Variants in AR observed in about 807,000 individuals in gnomAD.
AR encodes the protein dihydrotestosterone receptor.
A neutral mutation model predicts 53.9 loss-of-function variants in AR; 8 were observed. The observed-to-expected ratio is 0.15, with a 90% CI of 0.09 to 0.27. AR has a LOEUF of 0.27. Ranked by LOEUF, AR falls within the 10% of genes least tolerant of loss-of-function variation. AR has a pLI of 1.00. For missense variants in AR, 639 were observed against 742.5 expected, an observed-to-expected ratio of 0.86 and a Z score of 1.62; for synonymous variants, 359 against 316.4, an observed-to-expected ratio of 1.13 and a Z score of -1.43.
intron 2 of AR, among the ~76,000 whole-genome samples, chrX:67,655,953 C>A (rs772804788): frequency 8.9e-6 from 1 of 112,060 alleles, no homozygotes; most frequent in Non-Finnish European, 1.9e-5. Flanking sequence ...TTGTCTGTTG[C>A]TATTTATACG....
At chrX:67,611,051 G>C (rs1923857960) in intron 1 of AR, among the ~76,000 whole-genome samples, 1 of 111,624 alleles carries the variant, frequency 9.0e-6, no homozygotes, top group Admixed American at 9.6e-5. Flanking sequence ...GTTATTTTTA[G>C]ATTAAGTAGT....
In AR at chrX:67,723,840, G is replaced by A. The variant is rs2147540904; in HGVS notation, c.2762G>A (p.Ter921=). 6.6e-6 allele frequency: 8 copies of A among 1,209,510 alleles called. No individual in the cohort carries two copies. The African/African-American group carries it at 8.7e-5, about 13-fold the overall frequency. ...AAGCCCATCTATTTCCACACCCAGT[G>A]AAGCATTGGAAACCCTATTTCCCCA... ...KVKPIYFHTQ[*] The change falls in exon 8 of 8, where the codon TGA becomes TAA. Residue 921 remains the stop codon, a stop_retained_variant. Coordinates refer to ENST00000374690, the MANE Select transcript of AR (RefSeq NM_000044.6).
chrX:67,709,368 G>A (rs1248531210), intron 3 of AR, among the ~76,000 whole-genome samples: 1 of 112,071 alleles, frequency 8.9e-6, no homozygotes, highest in Non-Finnish European at 1.9e-5. Context: ...CCTCACTGCT[G>A]CCTTGCAGTT....
rs145754310 is a variant in AR at position 67,711,499 on chromosome X, A to G, written c.1983A>G (p.Thr661=). 1.9e-5 allele frequency: 23 copies of G among 1,209,590 alleles called. No individual in the cohort carries two copies. The highest frequency in any genetic ancestry group is 2.3e-5 in the Non-Finnish European group (21 of 895,115). ...SPTEETTQKL[T]VSHIEGYECQ... is the part of the protein sequence containing the mutation. ...CTGAGGAGACAACCCAGAAGCTGAC[A>G]GTGTCACACATTGAAGGCTATGAAT... The change falls in exon 4 of 8, where the codon ACA becomes ACG. Residue 661 remains threonine, a synonymous_variant. Coordinates refer to ENST00000374690, the MANE Select transcript of AR (RefSeq NM_000044.6).
At chrX:67,665,689 A>G (rs898443091) in intron 2 of AR, among the ~76,000 whole-genome samples, 4 of 111,423 alleles carry the variant, frequency 3.6e-5, no homozygotes, top group African/African-American at 9.8e-5. Context: ...CCCTTTTATG[A>G]TGGTGTGAGC....
chrX:67,673,243 C>A (rs938191589), intron 2 of AR, among the ~76,000 whole-genome samples: 1 of 109,744 alleles, frequency 9.1e-6, no homozygotes, highest in Non-Finnish European at 1.9e-5. Flanking sequence ...TTGAGGTGGT[C>A]TTTTTTGGAT....
Position 67,546,723 on chromosome X carries a change from C to A in AR, c.1577C>A (p.Pro526His), listed in dbSNP as rs2147323233. Residue 526 changes from proline (P) to histidine (H), a missense_variant, in exon 1 of 8, where the codon CCC (proline) becomes CAC (histidine). This residue lies in a region of AR where 423 missense variants were observed against 377.0 expected (regional missense o/e 1.12). Coordinates refer to ENST00000374690, the MANE Select transcript of AR (RefSeq NM_000044.6). Reference sequence around the variant, plus strand: ...ACTTGTGTCAAAAGCGAAATGGGCCCCTGGATGGATAGCTACTCCGGACCT... The same window carrying A: ...ACTTGTGTCAAAAGCGAAATGGGCCACTGGATGGATAGCTACTCCGGACCT... ...SPTCVKSEMGPWMDSYSGPYG... is the reference protein window; with the variant it reads ...SPTCVKSEMGHWMDSYSGPYG... 1 of 1,208,953 alleles carries A rather than the reference C, an allele frequency of 8.3e-7. No individual in the cohort carries two copies. The highest frequency in any genetic ancestry group is 1.1e-6 in the Non-Finnish European group (1 of 894,245).
intron 4 of AR, 36 bp downstream of exon 4, chrX:67,711,725 G>C (rs367811132): frequency 1.0e-5 from 12 of 1,166,624 alleles, no homozygotes; most frequent in Non-Finnish European, 1.4e-5. Context: ...GAGATAAGGG[G>C]GATCATATTT....
chrX:67,579,710 T>A (rs1922204942), intron 1 of AR, among the ~76,000 whole-genome samples: 3 of 111,957 alleles, frequency 2.7e-5, no homozygotes, highest in Non-Finnish European at 5.6e-5. Flanking sequence ...TCTATGCAGC[T>A]ATTAAAGCAT....
At chrX:67,606,629 A>C (rs746612582) in intron 1 of AR, among the ~76,000 whole-genome samples, 3 of 112,639 alleles carry the variant, frequency 2.7e-5, no homozygotes, top group Non-Finnish European at 5.6e-5. Context: ...ATAATTTGCT[A>C]TTCACCAAGT....
At chrX:67,627,538 G>T (rs778402004) in intron 1 of AR, among the ~76,000 whole-genome samples, 1 of 109,871 alleles carries the variant, frequency 9.1e-6, no homozygotes, top group East Asian at 3.1e-4. Context: ...TTAGCCCTTT[G>T]TCAGATGAGT....
chrX:67,553,823 T>C (rs1220791662), intron 1 of AR, among the ~76,000 whole-genome samples: 1 of 112,536 alleles, frequency 8.9e-6, no homozygotes, highest in Non-Finnish European at 1.9e-5. Flanking sequence ...AACTGTCTTA[T>C]TGATTTTATT....
chrX:67,572,177 A>T (rs1166023607), intron 1 of AR, among the ~76,000 whole-genome samples: 1 of 111,732 alleles, frequency 8.9e-6, no homozygotes, highest in Non-Finnish European at 1.9e-5. Context: ...ATATTCTGAG[A>T]TTGTCTTCTG....
In AR at chrX:67,666,103, T is replaced by C. The variant is rs1056481776; in HGVS notation, c.1769-19907T>C. Reference sequence around the variant, plus strand: ...ATTCTTTTAGTTATTTTAAGATGTATAATAAATTATTGTTGACTGCAGTCA... The same window carrying C: ...ATTCTTTTAGTTATTTTAAGATGTACAATAAATTATTGTTGACTGCAGTCA... On this transcript the variant is annotated intron_variant, in intron 2 of 7. Coordinates refer to ENST00000374690, the MANE Select transcript of AR (RefSeq NM_000044.6). Among the ~76,000 whole-genome samples the C allele has an allele frequency of 2.7e-5, 3 of 111,134 alleles. No homozygotes were observed. The South Asian group carries it at 1.1e-3, about 42-fold the overall frequency.
chrX:67,664,701 C>T (rs1022539187), intron 2 of AR, among the ~76,000 whole-genome samples: 35 of 112,367 alleles, frequency 3.1e-4, no homozygotes, highest in Admixed American at 3.1e-3. Context: ...TCGGCTATGC[C>T]CTGCCCCCAG....
rs192906687 is a variant in AR, at chrX:67,617,476, T to C, written c.1617-25780T>C. On this transcript the variant is annotated intron_variant, in intron 1 of 7. Coordinates refer to ENST00000374690, the MANE Select transcript of AR (RefSeq NM_000044.6). ...AGGCATTTTTAAGTTTATGAAGTGT[T>C]GTGCATATTGTTGTTAATTTTAAGC... Among the ~76,000 whole-genome samples, 6 of 111,546 alleles carry C rather than the reference T, an allele frequency of 5.4e-5. No individual in the cohort carries two copies. The East Asian group carries it at 1.7e-3, about 32-fold the overall frequency.
chrX:67,707,760 T>G (rs1987000704), intron 3 of AR, among the ~76,000 whole-genome samples: 1 of 112,271 alleles, frequency 8.9e-6, no homozygotes, highest in South Asian at 3.7e-4. Flanking sequence ...CAATTTGGCA[T>G]GTTTTTGCAG....
At chrX:67,554,951 A>G (rs1930134878) in intron 1 of AR, among the ~76,000 whole-genome samples, 1 of 108,484 alleles carries the variant, frequency 9.2e-6, no homozygotes, top group South Asian at 4.1e-4. Context: ...TCAATCAACC[A>G]CTTTTCATTA....
At chrX:67,709,413 C>G (rs2076083929) in intron 3 of AR, among the ~76,000 whole-genome samples, 1 of 112,466 alleles carries the variant, frequency 8.9e-6, no homozygotes, top group Admixed American at 9.3e-5. Context: ...GTGAGCGATG[C>G]TCCATGGGCG....
Sources: allele counts gnomAD v4.1 joint callset (sites outside exome capture counted in the v4.1 genomes callset), GRCh38; gene constraint gnomAD v4.1.1; regional missense constraint gnomAD v4.1.1; transcripts MANE v1.5; gene names NCBI Gene and HGNC (gene_info 2026-07-23, HGNC 2026-07-21).